Variants in RFX7 observed in about 807,000 individuals in gnomAD.
RFX7 encodes the protein DNA-binding protein RFX7.
RFX7 carries 26 observed loss-of-function variants against 111.8 expected under a neutral mutation model. The ratio of observed to expected loss-of-function variants is 0.23; its 90% CI spans 0.17 to 0.32. The LOEUF (loss-of-function observed/expected upper bound fraction) is 0.32. RFX7 is among the 10% of genes least tolerant of loss of function. The probability of loss-of-function intolerance (pLI) is 1.00; values close to 1 mark genes in which losing one functional copy is unlikely to be tolerated. For synonymous variants in RFX7, 624 were observed against 624.4 expected (o/e 1.00, Z 0.01); for missense variants, 1,573 against 1,772.9 (o/e 0.89, Z 2.02).
At chr15:56,184,102 C>T (rs1360656445) in intron 2 of RFX7, among the ~76,000 whole-genome samples, 6 of 151,766 alleles carry the variant, frequency 4.0e-5, no homozygotes, top group African/African-American at 1.5e-4. Flanking sequence ...TCACCGCAAC[C>T]TCCACCTCCC....
At chr15:56,116,901 A>G (rs1169260228) in intron 5 of RFX7, among the ~76,000 whole-genome samples, 1 of 151,030 alleles carries the variant, frequency 6.6e-6, no homozygotes. Context: ...TGAGTAAAAA[A>G]GCCAGATAAA....
chr15:56,193,110 C>A, intron 2 of RFX7: 1 of 247,832 alleles, frequency 4.0e-6, no homozygotes. Flanking sequence ...GCCAAGATGT[C>A]CTCTGTCTGG....
At chr15:56,141,670 T>TATATATATATATATATATATATATGC (rs1332615020) in intron 5 of RFX7, among the ~76,000 whole-genome samples, 3 of 133,482 alleles carry the variant, frequency 2.2e-5, no homozygotes, top group Non-Finnish European at 4.7e-5. Flanking sequence ...TATATATATA[T>TATATATATATATATATATATATATGC]ATATATGCAT....
intron 2 of RFX7, among the ~76,000 whole-genome samples, chr15:56,179,761 A>AAC (rs58597217): frequency 0.067 from 9,146 of 137,012 alleles, 316 homozygotes; most frequent in Admixed American, 0.082. Flanking sequence ...TCTCTGTCTC[A>AAC]ACACACACAC....
intron 2 of RFX7, among the ~76,000 whole-genome samples, chr15:56,201,847 G>A (rs544481530): frequency 1.3e-5 from 2 of 152,216 alleles, no homozygotes; most frequent in East Asian, 1.9e-4. Flanking sequence ...TGGCTAACAC[G>A]GTGAAACCCC....
At chr15:56,230,529 G>A (rs1404299228) in intron 2 of RFX7, among the ~76,000 whole-genome samples, 2 of 151,996 alleles carry the variant, frequency 1.3e-5, no homozygotes, top group East Asian at 3.9e-4. Context: ...ACAATATGTA[G>A]AAAAAAATAA....
intron 2 of RFX7, among the ~76,000 whole-genome samples, chr15:56,237,495 T>C (rs1449431208): frequency 6.6e-6 from 1 of 152,216 alleles, no homozygotes; most frequent in Admixed American, 6.5e-5. Flanking sequence ...GCAATATTAT[T>C]TTCTAATGGA....
In RFX7 at chr15:56,087,404, G is replaced by A; in HGVS notation, c.*5941C>T. 1 of 456,572 alleles carries A rather than the reference G, an allele frequency of 2.2e-6. No individual in the cohort carries two copies. The highest frequency in any genetic ancestry group is 4.4e-6 in the Non-Finnish European group (1 of 226,908). The allele number at this position is 456,572 out of a possible 1,614,324, so 28.3% of individuals were successfully genotyped here. On this transcript the variant is annotated 3_prime_UTR_variant, in exon 10 of 10. Transcript: ENST00000559447. Reference sequence around the variant, plus strand: ...TGCCCTGGGCTCCTTGTATCTTGTTGCTCAATCATCCTCAGCATGTGTCTT... The same window carrying A: ...TGCCCTGGGCTCCTTGTATCTTGTTACTCAATCATCCTCAGCATGTGTCTT...
At chr15:56,176,080 A>G (rs2042899776) in intron 3 of RFX7, among the ~76,000 whole-genome samples, 1 of 152,186 alleles carries the variant, frequency 6.6e-6, no homozygotes, top group Admixed American at 6.6e-5. Flanking sequence ...ACGCAAAGAA[A>G]AACACAATGA....
chr15:56,179,539 T>A (rs974395544), intron 2 of RFX7, among the ~76,000 whole-genome samples: 2 of 152,138 alleles, frequency 1.3e-5, no homozygotes, highest in South Asian at 4.1e-4. Flanking sequence ...TTTCCTAAGT[T>A]TATTTTGAAT....
chr15:56,139,434 A>G (rs2042355668), intron 5 of RFX7, among the ~76,000 whole-genome samples: 2 of 152,144 alleles, frequency 1.3e-5, no homozygotes, highest in South Asian at 2.1e-4. Context: ...TGCATTCTTC[A>G]CGTAGCTCTC....
chr15:56,095,328 T>G lies in RFX7; in HGVS notation c.2400A>C (p.Gln800His), dbSNP rs1224219944. The G allele has an allele frequency of 1.2e-6, 2 of 1,613,838 alleles. No homozygotes were observed. The highest frequency in any genetic ancestry group is 3.3e-5 in the Admixed American group (2 of 60,010). ...EFISASCEQQ[Q>H]DISVMTIPEH... Reference sequence around the variant, plus strand: ...CAGGAATTGTCATAACACTGATATCTTGCTGTTGTTCACAACTGGCAGATA... The same window carrying G: ...CAGGAATTGTCATAACACTGATATCGTGCTGTTGTTCACAACTGGCAGATA... Residue 800 changes from glutamine to histidine, a missense_variant, in exon 10 of 10, where the codon CAA (glutamine) becomes CAC (histidine). Gln to His is a conservative substitution (Grantham distance 24). Around this residue, in one of 7 missense-constraint regions of RFX7, gnomAD observed 625 missense variants for 632.2 expected, o/e 0.99. Coordinates refer to ENST00000559447, the MANE Select transcript of RFX7 (RefSeq NM_022841.7).
intron 3 of RFX7, among the ~76,000 whole-genome samples, chr15:56,175,254 C>T (rs2042891080): frequency 6.6e-6 from 1 of 152,010 alleles, no homozygotes; most frequent in Non-Finnish European, 1.5e-5. Context: ...CAGAAAATAA[C>T]AAAACACGCT....
At chr15:56,135,971 C>A (rs2042296104) in intron 5 of RFX7, among the ~76,000 whole-genome samples, 1 of 152,100 alleles carries the variant, frequency 6.6e-6, no homozygotes, top group Non-Finnish European at 1.5e-5. Flanking sequence ...TTCCATTGAT[C>A]TATATCTCTG....
intron 2 of RFX7, among the ~76,000 whole-genome samples, chr15:56,228,366 C>T (rs2043509152): frequency 6.6e-6 from 1 of 152,032 alleles, no homozygotes; most frequent in Non-Finnish European, 1.5e-5. Context: ...TGGAATTGAA[C>T]TATGGAATTA....
chr15:56,219,436 G>A (rs1183918821), intron 2 of RFX7, among the ~76,000 whole-genome samples: 1 of 152,120 alleles, frequency 6.6e-6, no homozygotes, highest in Non-Finnish European at 1.5e-5. Flanking sequence ...AAATTGCTAT[G>A]TCACAGGGAT....
intron 5 of RFX7, among the ~76,000 whole-genome samples, chr15:56,141,320 C>T (rs770478977): frequency 6.6e-5 from 10 of 151,894 alleles, no homozygotes; most frequent in Non-Finnish European, 1.2e-4. Flanking sequence ...GAGCTGTGAT[C>T]GTGCCATTGC....
At chr15:56,223,018 C>T (rs1207641515) in intron 2 of RFX7, among the ~76,000 whole-genome samples, 1 of 152,150 alleles carries the variant, frequency 6.6e-6, no homozygotes, top group Non-Finnish European at 1.5e-5. Context: ...AATTCTTACT[C>T]TATGGGTAAA....
chr15:56,240,537 T>G (rs1567057919), intron 2 of RFX7, among the ~76,000 whole-genome samples: 1 of 152,190 alleles, frequency 6.6e-6, no homozygotes, highest in Non-Finnish European at 1.5e-5. Flanking sequence ...TGATAACTTA[T>G]TGTCCAAAGG....
Sources: gnomAD v4.1 joint callset for allele counts (sites outside exome capture counted in the v4.1 genomes callset) on GRCh38, gnomAD v4.1.1 for gene constraint, gnomAD v4.1.1 regional missense constraint, MANE v1.5 for transcripts, NCBI Gene and HGNC (gene_info 2026-07-23, HGNC 2026-07-21) for gene names.